The following PRLR variants were observed in gnomAD, a reference collection of about 807,000 sequenced individuals.
PRLR encodes the protein hPRL receptor.
In PRLR, 13 loss-of-function variants were observed where a neutral mutation model predicts 40.2. That is an observed-to-expected ratio of 0.32 (90% CI 0.21 to 0.51). The LOEUF is 0.51. Among genes scored for constraint, PRLR ranks in the 20% least tolerant of loss-of-function variants. The pLI is 0.97. For missense variants in PRLR, 656 were observed against 747.3 expected, an observed-to-expected ratio of 0.88 and a Z score of 1.42; for synonymous variants, 269 against 278.7, an observed-to-expected ratio of 0.97 and a Z score of 0.35.
At chr5:35,125,688 G>T (rs935953867) in intron 1 of PRLR, among the ~76,000 whole-genome samples, 1 of 152,200 alleles carries the variant, frequency 6.6e-6, no homozygotes, top group African/African-American at 2.4e-5. Context: ...CTATGTTCAT[G>T]TTAATTTCAA....
intron 1 of PRLR, among the ~76,000 whole-genome samples, chr5:35,178,611 T>G (rs1775210488): frequency 6.6e-6 from 1 of 152,160 alleles, no homozygotes; most frequent in Non-Finnish European, 1.5e-5. Context: ...TATGATAAAT[T>G]TAGTATAACT....
rs146443222 is a variant in PRLR, at chr5:35,190,362, C to T, written c.-106+39906G>A. Among the ~76,000 whole-genome samples, 1,471 of 152,160 alleles carry T rather than the reference C, an allele frequency of 9.7e-3. 17 individuals are homozygous for T. Among genetic ancestry groups the T allele is most frequent in the Non-Finnish European group, 0.013 (880 of 67,986 alleles). ...GCTCACACCTGTAATCCCAGCACTT[C>T]GGAAGGCTGATGCGAGTGGATCGCT... On this transcript the variant is annotated intron_variant, in intron 1 of 9. Transcript: ENST00000618457.
chr5:35,068,186 A>T (rs1769495672), intron 9 of PRLR, 30 bp downstream of exon 9: 4 of 1,557,352 alleles, frequency 2.6e-6, no homozygotes, highest in Non-Finnish European at 3.5e-6. Flanking sequence ...GCAGTGAGTC[A>T]CACTCCATTT....
chr5:35,188,155 C>T (rs12514672), intron 1 of PRLR, among the ~76,000 whole-genome samples: 15,029 of 152,200 alleles, frequency 0.099, 964 homozygotes, highest in Non-Finnish European at 0.13. Context: ...AGAAACTAGC[C>T]GTGCCTGGAA....
chr5:35,230,288 T>G lies in PRLR; in HGVS notation c.-126A>C, dbSNP rs940156354. On this transcript the variant is annotated 5_prime_UTR_variant, in exon 1 of 10. Transcript: ENST00000618457. ...CTCACTTTTGCCAGGGAGCAAAGTC[T>G]GCCACATCAGTCGATGAGTACTTCC... 1 of 152,240 alleles carries G rather than the reference T, an allele frequency of 6.6e-6. No individual in the cohort carries two copies. Among genetic ancestry groups the G allele is most frequent in the Non-Finnish European group, 1.5e-5 (1 of 68,060 alleles). The allele number at this position is 152,240 out of a possible 1,614,324, so 9.4% of individuals were successfully genotyped here. A position where few individuals can be genotyped will look rare whatever the true frequency, so the allele number is the denominator to read the frequency against.
At chr5:35,102,460 T>A (rs1771943407) in intron 2 of PRLR, among the ~76,000 whole-genome samples, 1 of 151,286 alleles carries the variant, frequency 6.6e-6, no homozygotes, top group Non-Finnish European at 1.5e-5. Flanking sequence ...TTTCCTTTCC[T>A]GTCCCATCCC....
chr5:35,210,774 A>G (rs1776149615), intron 1 of PRLR, among the ~76,000 whole-genome samples: 1 of 152,088 alleles, frequency 6.6e-6, no homozygotes, highest in African/African-American at 2.4e-5. Context: ...CAGTGGCGTG[A>G]TTATGACTCA....
Position 35,157,818 on chromosome 5 carries a change from G to A in PRLR, c.-105-39696C>T, listed in dbSNP as rs73078809. ...CATATTTGAATACTACTTTGGGTGAGTTTTGGCAGCCTTTAAAAGGGCACC... is the reference window on the plus strand; with the variant it reads ...CATATTTGAATACTACTTTGGGTGAATTTTGGCAGCCTTTAAAAGGGCACC... On this transcript the variant is annotated intron_variant, in intron 1 of 9. Transcript: ENST00000618457. Among the ~76,000 whole-genome samples the A allele has an allele frequency of 6.6e-5, 10 of 152,290 alleles. No individual in the cohort carries two copies. In the South Asian group the frequency reaches 1.2e-3, roughly 19 times the overall value.
chr5:35,135,090 G>GTTTTTTT (rs771752166), intron 1 of PRLR, among the ~76,000 whole-genome samples: 3 of 125,942 alleles, frequency 2.4e-5, no homozygotes, highest in African/African-American at 8.0e-5. Flanking sequence ...AGAGATTTGT[G>GTTTTTTT]TTTTTTTTTT....
At chr5:35,149,450 G>GATA (rs1774280507) in intron 1 of PRLR, among the ~76,000 whole-genome samples, 1 of 152,010 alleles carries the variant, frequency 6.6e-6, no homozygotes, top group African/African-American at 2.4e-5. Context: ...AATAACCTTT[G>GATA]ATAATAATAA....
chr5:35,081,790 C>CAT (rs1770537795), intron 5 of PRLR: 1 of 150,686 alleles, frequency 6.6e-6, no homozygotes, highest in Non-Finnish European at 1.5e-5. Flanking sequence ...CACACACACA[C>CAT]ACACACACAC....
At chr5:35,150,659 A>G (rs1186825101) in intron 1 of PRLR, among the ~76,000 whole-genome samples, 1 of 152,232 alleles carries the variant, frequency 6.6e-6, no homozygotes, top group Non-Finnish European at 1.5e-5. Flanking sequence ...AAGATATATG[A>G]TAAATATTGG....
intron 5 of PRLR, among the ~76,000 whole-genome samples, chr5:35,077,389 G>A (rs551305385): frequency 6.6e-5 from 10 of 152,176 alleles, no homozygotes; most frequent in African/African-American, 2.4e-4. Flanking sequence ...AAACAAAAAA[G>A]CAGGGGTTGC....
intron 2 of PRLR, among the ~76,000 whole-genome samples, chr5:35,116,282 G>A (rs1192725078): frequency 2.6e-5 from 4 of 152,128 alleles, no homozygotes; most frequent in Non-Finnish European, 5.9e-5. Flanking sequence ...ATCTGCTACT[G>A]CCACCTTATC....
intron 2 of PRLR, among the ~76,000 whole-genome samples, chr5:35,117,002 A>G (rs768356789): frequency 2.0e-4 from 30 of 152,060 alleles, no homozygotes; most frequent in Non-Finnish European, 2.4e-4. Context: ...CCTCCTTGGA[A>G]CTGTCTGGAG....
At position 35,222,637 on chromosome 5, in the gene PRLR, T is replaced by G. The variant is rs1776453166; in HGVS notation, c.-106+7631A>C. ...TGGCAGCTTAGGGAAACCAGTCATC[T>G]TCACCTACTGATCTGTGACACTGAT... On this transcript the variant is annotated intron_variant, in intron 1 of 9. Coordinates refer to ENST00000618457, the MANE Select transcript of PRLR (RefSeq NM_000949.7). 2.6e-5 allele frequency among the ~76,000 whole-genome samples: 4 copies of G among 152,340 alleles called. No individual in the cohort carries two copies. The South Asian group carries it at 8.3e-4, about 32-fold the overall frequency.
At chr5:35,095,338 A>C (rs769637216) in intron 2 of PRLR, among the ~76,000 whole-genome samples, 4 of 152,204 alleles carry the variant, frequency 2.6e-5, no homozygotes, top group Non-Finnish European at 4.4e-5. Context: ...ACAGAAAAAG[A>C]TTCTAAGACA....
At chr5:35,085,379 G>A (rs1199821812) in intron 4 of PRLR, among the ~76,000 whole-genome samples, 2 of 152,332 alleles carry the variant, frequency 1.3e-5, no homozygotes, top group East Asian at 1.9e-4. Context: ...TGGGCCAGCT[G>A]TCTCTACCAG....
At chr5:35,068,148 G>A in intron 9 of PRLR, 68 bp downstream of exon 9, 2 of 1,380,880 alleles carry the variant, frequency 1.4e-6, no homozygotes, top group Non-Finnish European at 2.1e-6. Flanking sequence ...GGGACTGTGT[G>A]TGAGTGTGTA....
Sources: gnomAD v4.1 joint callset for allele counts (sites outside exome capture counted in the v4.1 genomes callset) on GRCh38, gnomAD v4.1.1 for gene constraint, MANE v1.5 for transcripts, NCBI Gene and HGNC (gene_info 2026-07-23, HGNC 2026-07-21) for gene names.